Variants in ADAM23 observed in about 807,000 individuals in gnomAD.
The protein encoded by ADAM23 is ADAM metallopeptidase domain 23.
In ADAM23, 33 loss-of-function variants were observed where a neutral mutation model predicts 120.1. The observed-to-expected ratio is 0.27, with a 90% CI of 0.21 to 0.37. The LOEUF (loss-of-function observed/expected upper bound fraction) is 0.37, where lower values mean the gene tolerates loss of function less well. Ranked by LOEUF, ADAM23 falls within the 10% of genes least tolerant of loss-of-function variation. ADAM23 has a pLI of 1.00. For synonymous variants in ADAM23, 367 were observed against 375.2 expected, an observed-to-expected ratio of 0.98 and a Z score of 0.25; for missense variants, 862 against 1,058.2, an observed-to-expected ratio of 0.81 and a Z score of 2.57.
At chr2:206,520,492 C>A (rs1696820537) in intron 3 of ADAM23, among the ~76,000 whole-genome samples, 3 of 152,086 alleles carry the variant, frequency 2.0e-5, no homozygotes, top group Admixed American at 2.0e-4. Flanking sequence ...TAGTTAAAAA[C>A]CTTTATCTTT....
intron 3 of ADAM23, among the ~76,000 whole-genome samples, chr2:206,488,799 G>C (rs1174291812): frequency 6.6e-6 from 1 of 152,180 alleles, no homozygotes; most frequent in South Asian, 2.1e-4. Context: ...AGGTGCTTTA[G>C]ACTTTGAAAG....
In ADAM23 at chr2:206,481,213, T is replaced by A; in HGVS notation, c.433-19T>A. The A allele has an allele frequency of 6.3e-7, 1 of 1,588,970 alleles. No individual in the cohort carries two copies. Among genetic ancestry groups the A allele is most frequent in the Non-Finnish European group, 8.5e-7 (1 of 1,170,972 alleles). On this transcript the variant is annotated intron_variant, in intron 2 of 25. Coordinates refer to ENST00000264377, the MANE Select transcript of ADAM23 (RefSeq NM_003812.4). ...ACAGGAAAGTAAGTTAAGGTTCTTC[T>A]GTCTTTTTGAATCCATAGGCTGTCC...
At chr2:206,458,498 A>G (rs533965419) in intron 2 of ADAM23, among the ~76,000 whole-genome samples, 1 of 152,348 alleles carries the variant, frequency 6.6e-6, no homozygotes, top group South Asian at 2.1e-4. Context: ...TGGGATGCAC[A>G]TGATGTCTCA....
intron 24 of ADAM23, among the ~76,000 whole-genome samples, chr2:206,603,286 G>A (rs756350064): frequency 1.3e-5 from 2 of 152,158 alleles, no homozygotes; most frequent in Admixed American, 6.5e-5. Flanking sequence ...ACCCACCCGT[G>A]AGCTACTCAG....
intron 2 of ADAM23, among the ~76,000 whole-genome samples, chr2:206,451,009 G>T (rs986808050): frequency 1.3e-5 from 2 of 152,230 alleles, no homozygotes; most frequent in African/African-American, 2.4e-5. Flanking sequence ...GGAACAGAAG[G>T]CTGTAGGCAT....
chr2:206,564,309 GGTATCGAAGTTAA>G (rs1342332093), intron 13 of ADAM23, among the ~76,000 whole-genome samples: 1 of 152,028 alleles, frequency 6.6e-6, no homozygotes, highest in Non-Finnish European at 1.5e-5. Flanking sequence ...GTCAGTTTCT[GGTATCGAAGTTAA>G]GTTGTAATTG....
At chr2:206,593,841 T>G (rs1268613375) in intron 22 of ADAM23, among the ~76,000 whole-genome samples, 1 of 152,002 alleles carries the variant, frequency 6.6e-6, no homozygotes, top group Admixed American at 6.5e-5. Flanking sequence ...ATTTTAGAAG[T>G]AAGCACTAAA....
Position 206,445,329 on chromosome 2 carries a change from A to G in ADAM23, c.237A>G (p.Ala79=). 2 of 1,614,040 alleles carry G rather than the reference A, an allele frequency of 1.2e-6. No homozygotes were observed. Among genetic ancestry groups the G allele is most frequent in the Non-Finnish European group, 1.7e-6 (2 of 1,179,988 alleles). ...CAGCTCCGCATTGGAATGAAACTGC[A>G]GAAAAAAATTTGGGAGTCCTGGCAG... ...APSAPHWNET[A]EKNLGVLADE... is the part of the protein sequence containing the mutation. The change falls in exon 2 of 26, where the codon GCA becomes GCG. Residue 79 remains alanine, a synonymous_variant. Transcript: ENST00000264377.
chr2:206,496,611 C>T (rs1480012090), intron 3 of ADAM23, among the ~76,000 whole-genome samples: 8 of 152,258 alleles, frequency 5.3e-5, no homozygotes, highest in East Asian at 3.9e-4. Context: ...CAAGAGCATA[C>T]ACACTCAAAA....
intron 21 of ADAM23, among the ~76,000 whole-genome samples, chr2:206,590,737 A>G (rs558934639): frequency 4.6e-4 from 70 of 152,332 alleles, no homozygotes; most frequent in South Asian, 6.2e-4. Flanking sequence ...CTGATGTCTC[A>G]TAAGTGAAGC....
intron 4 of ADAM23, among the ~76,000 whole-genome samples, chr2:206,538,135 G>A (rs1274344679): frequency 6.6e-6 from 1 of 152,088 alleles, no homozygotes; most frequent in African/African-American, 2.4e-5. Flanking sequence ...CATTGGTACA[G>A]CCAAACTGTT....
chr2:206,600,036 CT>C (rs756274183), intron 24 of ADAM23, among the ~76,000 whole-genome samples: 1 of 152,140 alleles, frequency 6.6e-6, no homozygotes, highest in Non-Finnish European at 1.5e-5. Context: ...CTCGTCTCTA[CT>C]AAAAATACAA....
In ADAM23 at chr2:206,560,020, T is replaced by C; in HGVS notation, c.1071T>C (p.Asp357=). Residue 357 remains aspartate (D), a synonymous_variant, in exon 11 of 26, where the codon GAT becomes GAC. Transcript: ENST00000264377. ...CTGTAGAGACCTGGACTGAGAAGGA[T>C]CAGATTGACATCACCACCAACCCTG... ...LVAVETWTEK[D]QIDITTNPVQ... The C allele has an allele frequency of 6.2e-7, 1 of 1,614,090 alleles. No individual in the cohort carries two copies. The highest frequency in any genetic ancestry group is 8.5e-7 in the Non-Finnish European group (1 of 1,179,996).
chr2:206,524,460 C>T (rs1326303099), intron 3 of ADAM23, among the ~76,000 whole-genome samples: 1 of 152,220 alleles, frequency 6.6e-6, no homozygotes, highest in Non-Finnish European at 1.5e-5. Context: ...AAGGCACCTA[C>T]TCAAGGCTTT....
At chr2:206,533,072 T>A (rs1239138514) in intron 4 of ADAM23, among the ~76,000 whole-genome samples, 1 of 152,198 alleles carries the variant, frequency 6.6e-6, no homozygotes, top group Non-Finnish European at 1.5e-5. Context: ...ATGAAGATTG[T>A]CTTTTATGCT....
chr2:206,604,473 T>G (rs1210252878), intron 24 of ADAM23, among the ~76,000 whole-genome samples: 1 of 152,026 alleles, frequency 6.6e-6, no homozygotes, highest in Non-Finnish European at 1.5e-5. Context: ...GGGGAAACAT[T>G]GCTGCCACCT....
chr2:206,468,045 G>A (rs149333163), intron 2 of ADAM23, among the ~76,000 whole-genome samples: 9 of 152,272 alleles, frequency 5.9e-5, no homozygotes, highest in South Asian at 2.1e-4. Context: ...CAGTGCCCTG[G>A]GCTTGGCCAG....
intron 3 of ADAM23, among the ~76,000 whole-genome samples, chr2:206,510,427 C>T (rs1696599956): frequency 6.6e-6 from 1 of 151,894 alleles, no homozygotes; most frequent in Admixed American, 6.6e-5. Context: ...AGACTTCTTT[C>T]ACTTCATTCT....
rs568127774 is a variant in ADAM23, at chr2:206,542,628, A to C, written c.656+494A>C. ...GTTGGCACCTTTTAGACCTGGACAC[A>C]GTAGCACCTCATATAAAGACTTAGT... On this transcript the variant is annotated intron_variant, in intron 5 of 25. Coordinates refer to ENST00000264377, the MANE Select transcript of ADAM23 (RefSeq NM_003812.4). Among the ~76,000 whole-genome samples, 4 of 152,324 alleles carry C rather than the reference A, an allele frequency of 2.6e-5. No homozygotes were observed. In the South Asian group the frequency reaches 8.3e-4, roughly 32 times the overall value.
Sources: gnomAD v4.1 joint callset for allele counts (sites outside exome capture counted in the v4.1 genomes callset) on GRCh38, gnomAD v4.1.1 for gene constraint, MANE v1.5 for transcripts, NCBI Gene and HGNC (gene_info 2026-07-23, HGNC 2026-07-21) for gene names.